TMEM135: variants seen among roughly 807,000 people sequenced by gnomAD.
TMEM135 encodes transmembrane protein 135.
In TMEM135, 30 loss-of-function variants were observed where a neutral mutation model predicts 60.3. That is an observed-to-expected ratio of 0.50 (90% CI 0.37 to 0.68). TMEM135 has a LOEUF of 0.68. Among genes scored for constraint, TMEM135 ranks in the 30% least tolerant of loss-of-function variants. The pLI is 0.00. For synonymous variants in TMEM135, 190 were observed against 186.7 expected, an observed-to-expected ratio of 1.02 and a Z score of -0.14; for missense variants, 468 against 548.8, an observed-to-expected ratio of 0.85 and a Z score of 1.47.
chr11:87,087,018 T>C (rs1185417591), intron 3 of TMEM135, among the ~76,000 whole-genome samples: 1 of 152,190 alleles, frequency 6.6e-6, no homozygotes, highest in East Asian at 1.9e-4. Flanking sequence ...ATGGCAGTCA[T>C]GTCTCTCTTA....
chr11:87,278,027 T>C (rs1941998890), intron 6 of TMEM135, among the ~76,000 whole-genome samples: 1 of 152,216 alleles, frequency 6.6e-6, no homozygotes, highest in East Asian at 1.9e-4. Flanking sequence ...TGATTTCCTA[T>C]TGCCTTCAGG....
At chr11:87,209,573 G>T (rs1178793765) in intron 5 of TMEM135, among the ~76,000 whole-genome samples, 5 of 152,106 alleles carry the variant, frequency 3.3e-5, no homozygotes, top group Admixed American at 6.6e-5. Flanking sequence ...TCTACAAAGA[G>T]ATTTATATAA....
At chr11:87,221,011 A>G (rs568727463) in intron 5 of TMEM135, among the ~76,000 whole-genome samples, 10 of 152,270 alleles carry the variant, frequency 6.6e-5, no homozygotes, top group African/African-American at 2.4e-4. Context: ...ATTGCTACTA[A>G]AAAAAAGACT....
chr11:87,316,879 CT>C lies in TMEM135; in HGVS notation c.1078-1244del, dbSNP rs879583719. Among the ~76,000 whole-genome samples the C allele has an allele frequency of 8.9e-3, 1,244 of 139,058 alleles. 13 individuals are homozygous for C. The highest frequency in any genetic ancestry group is 0.023 in the African/African-American group (892 of 38,134). 91.2% of individuals were successfully genotyped at this position (139,058 alleles called of 152,430 possible). ...GGCATATAAACTATGGTGATGCAGA[CT>C]TTTTTTTTTTTTTAAATAGGATATT... On this transcript the variant is annotated intron_variant, in intron 12 of 14. Coordinates refer to ENST00000305494, the MANE Select transcript of TMEM135 (RefSeq NM_022918.4).
chr11:87,133,906 C>T (rs940958479), intron 4 of TMEM135, among the ~76,000 whole-genome samples: 2 of 152,032 alleles, frequency 1.3e-5, no homozygotes, highest in Non-Finnish European at 2.9e-5. Context: ...TTGTTTGGTT[C>T]TATCATGATT....
At chr11:87,231,319 T>C (rs995677599) in intron 5 of TMEM135, among the ~76,000 whole-genome samples, 2 of 152,150 alleles carry the variant, frequency 1.3e-5, no homozygotes, top group Non-Finnish European at 2.9e-5. Flanking sequence ...AGGTTTTTAA[T>C]TGAGTAGTTA....
chr11:87,218,187 C>T, intron 5 of TMEM135, among the ~76,000 whole-genome samples: 1 of 152,020 alleles, frequency 6.6e-6, no homozygotes, highest in East Asian at 1.9e-4. Flanking sequence ...ATGAGCCCCA[C>T]CCAGACAACA....
chr11:87,070,441 G>A (rs988203590), intron 2 of TMEM135, among the ~76,000 whole-genome samples: 4 of 151,924 alleles, frequency 2.6e-5, no homozygotes, highest in Non-Finnish European at 4.4e-5. Flanking sequence ...TCAGGAGTTC[G>A]AGACCAGCCT....
At chr11:87,303,113 G>A (rs550346660) in intron 8 of TMEM135, among the ~76,000 whole-genome samples, 1 of 152,172 alleles carries the variant, frequency 6.6e-6, no homozygotes, top group African/African-American at 2.4e-5. Context: ...CCATGGACCA[G>A]TACTGGTCCG....
chr11:87,113,407 A>C (rs1032335564), intron 4 of TMEM135, among the ~76,000 whole-genome samples: 10 of 152,108 alleles, frequency 6.6e-5, no homozygotes, highest in Non-Finnish European at 8.8e-5. Flanking sequence ...TAACTCTACA[A>C]TTATTTTCAT....
chr11:87,135,164 A>T (rs1303337359), intron 4 of TMEM135, among the ~76,000 whole-genome samples: 1 of 152,054 alleles, frequency 6.6e-6, no homozygotes, highest in Non-Finnish European at 1.5e-5. Context: ...TTTTGTAAAA[A>T]ATTTTTTTCC....
chr11:87,146,612 A>G (rs1189146065), intron 4 of TMEM135, among the ~76,000 whole-genome samples: 1 of 152,170 alleles, frequency 6.6e-6, no homozygotes, highest in Non-Finnish European at 1.5e-5. Flanking sequence ...TCATTAATCC[A>G]TCACATATTT....
intron 6 of TMEM135, 85 bp downstream of exon 6, chr11:87,236,769 C>A: frequency 1.5e-6 from 2 of 1,328,550 alleles, no homozygotes; most frequent in Non-Finnish European, 2.2e-6. Flanking sequence ...AAGTATTCTC[C>A]AAATAATTAT....
At chr11:87,292,154 G>A (rs1334327647) in intron 6 of TMEM135, among the ~76,000 whole-genome samples, 1 of 152,140 alleles carries the variant, frequency 6.6e-6, no homozygotes, top group Non-Finnish European at 1.5e-5. Flanking sequence ...TTACCTCTCG[G>A]AGAGGCTCTT....
intron 4 of TMEM135, among the ~76,000 whole-genome samples, chr11:87,115,877 T>C (rs1294426911): frequency 6.6e-6 from 1 of 152,084 alleles, no homozygotes; most frequent in Non-Finnish European, 1.5e-5. Context: ...GGGAAACTTG[T>C]AGCATAGTCT....
At chr11:87,285,619 A>T (rs1481080179) in intron 6 of TMEM135, among the ~76,000 whole-genome samples, 2 of 152,114 alleles carry the variant, frequency 1.3e-5, no homozygotes, top group East Asian at 1.9e-4. Context: ...GAAGCTGCAG[A>T]CCTTTGCAGT....
rs185334637 is a variant in TMEM135 at position 87,053,501 on chromosome 11, G to T, written c.142-14193G>T. ...CTTAGGTGGTAGGCAGGTGGTAGGT[G>T]GTAATTAGGGAAGGGGAGTTGAAGT... On this transcript the variant is annotated intron_variant, in intron 1 of 14. Transcript: ENST00000305494. 1.7e-4 allele frequency among the ~76,000 whole-genome samples: 26 copies of T among 152,072 alleles called. No individual in the cohort carries two copies. In the East Asian group the frequency reaches 4.6e-3, roughly 27 times the overall value.
intron 4 of TMEM135, among the ~76,000 whole-genome samples, chr11:87,097,208 G>T (rs1857350724): frequency 6.6e-6 from 1 of 152,076 alleles, no homozygotes; most frequent in African/African-American, 2.4e-5. Context: ...TGTTGGTCAG[G>T]CTGGTCTGGA....
chr11:87,194,648 C>T (rs922601232), intron 5 of TMEM135, among the ~76,000 whole-genome samples: 9 of 152,094 alleles, frequency 5.9e-5, no homozygotes, highest in Non-Finnish European at 1.2e-4. Context: ...TTTTTGCCTT[C>T]TTGTTCCTAA....
Sources: allele counts gnomAD v4.1 joint callset (sites outside exome capture counted in the v4.1 genomes callset), GRCh38; gene constraint gnomAD v4.1.1; transcripts MANE v1.5; gene names NCBI Gene and HGNC (gene_info 2026-07-23, HGNC 2026-07-21).